Variants in CRPPA observed in about 807,000 individuals in gnomAD.
The protein encoded by CRPPA is CDP-L-ribitol pyrophosphorylase A.
In CRPPA, 43 loss-of-function variants were observed where a neutral mutation model predicts 52.0. That is an observed-to-expected ratio of 0.83 (90% CI 0.65 to 1.07). The LOEUF (loss-of-function observed/expected upper bound fraction) is 1.07, where lower values mean the gene tolerates loss of function less well. Ranked by LOEUF, CRPPA falls within the 50% of genes least tolerant of loss-of-function variation. The pLI, the probability that CRPPA is intolerant of heterozygous loss-of-function variation, is 0.00. For missense variants in CRPPA, 629 were observed against 551.7 expected (o/e 1.14, Z -1.40); for synonymous variants, 250 against 203.5 (o/e 1.23, Z -1.94).
chr7:16,219,692 G>A (rs1258915937), intron 8 of CRPPA, among the ~76,000 whole-genome samples: 5 of 115,648 alleles, frequency 4.3e-5, no homozygotes, highest in Non-Finnish European at 9.5e-5. Flanking sequence ...AGAAAATCTA[G>A]AAGAAATGGA....
At chr7:16,180,045 ATAAG>A (rs1781379619) in intron 9 of CRPPA, among the ~76,000 whole-genome samples, 1 of 151,908 alleles carries the variant, frequency 6.6e-6, no homozygotes, top group Non-Finnish European at 1.5e-5. Flanking sequence ...TTAGAACTCT[ATAAG>A]TCACGGAGAT....
chr7:16,210,719 T>C (rs532706269), intron 9 of CRPPA: 22 of 152,294 alleles, frequency 1.4e-4, no homozygotes, highest in Admixed American at 8.5e-4. Context: ...TTGGGTTATA[T>C]AGTAATAGCT....
At chr7:16,237,192 A>G (rs1490299049) in intron 8 of CRPPA, 2 of 152,104 alleles carry the variant, frequency 1.3e-5, no homozygotes, top group Admixed American at 1.3e-4. Context: ...AATCTCTTAA[A>G]TGTATCTTGA....
intron 2 of CRPPA, among the ~76,000 whole-genome samples, chr7:16,402,420 G>A (rs1787841526): frequency 6.6e-6 from 1 of 152,170 alleles, no homozygotes; most frequent in Non-Finnish European, 1.5e-5. Context: ...AAATCCTGAT[G>A]ATAAAGTCTT....
intron 8 of CRPPA, among the ~76,000 whole-genome samples, chr7:16,226,137 T>C (rs1782645671): frequency 6.6e-6 from 1 of 151,964 alleles, no homozygotes; most frequent in Admixed American, 6.6e-5. Flanking sequence ...AACAATGTTT[T>C]GGCAAAATAA....
At chr7:16,115,392 G>A (rs550821918) in intron 9 of CRPPA, among the ~76,000 whole-genome samples, 2 of 152,216 alleles carry the variant, frequency 1.3e-5, no homozygotes, top group East Asian at 1.9e-4. Context: ...CTGAAAAATC[G>A]AGATATCAAC....
chr7:16,389,221 A>G (rs928834001), intron 2 of CRPPA, among the ~76,000 whole-genome samples: 4 of 152,218 alleles, frequency 2.6e-5, no homozygotes, highest in South Asian at 2.1e-4. Context: ...TTGTCCAAAA[A>G]ATAGAGAATG....
At chr7:16,239,458 A>G (rs1482835937) in intron 8 of CRPPA, among the ~76,000 whole-genome samples, 2 of 150,374 alleles carry the variant, frequency 1.3e-5, no homozygotes, top group Admixed American at 1.3e-4. Context: ...ACTTTAATAA[A>G]TGATATTGAA....
chr7:16,344,656 A>G (rs540397318), intron 3 of CRPPA, among the ~76,000 whole-genome samples: 1 of 152,228 alleles, frequency 6.6e-6, no homozygotes, highest in South Asian at 2.1e-4. Flanking sequence ...TGTTAATAAA[A>G]AGGTATAAAT....
chr7:16,093,500 A>G (rs890700881), intron 9 of CRPPA, among the ~76,000 whole-genome samples: 2 of 152,170 alleles, frequency 1.3e-5, no homozygotes, highest in Non-Finnish European at 2.9e-5. Context: ...GCTCTTTTCT[A>G]TCAATTTCCT....
At chr7:16,400,200 C>T (rs1175417602) in intron 2 of CRPPA, among the ~76,000 whole-genome samples, 4 of 152,094 alleles carry the variant, frequency 2.6e-5, no homozygotes, top group Non-Finnish European at 5.9e-5. Flanking sequence ...ACGATTGAAA[C>T]ATGGTTGGCA....
chr7:16,116,689 A>AAGGGAAGGGAAAGGAAAGGGT (rs1782381954), intron 9 of CRPPA, among the ~76,000 whole-genome samples: 57 of 150,556 alleles, frequency 3.8e-4, no homozygotes, highest in Admixed American at 3.7e-3. Flanking sequence ...AAGGAAAGGG[A>AAGGGAAGGGAAAGGAAAGGGT]AGGGAAAGGG....
chr7:16,164,518 A>C (rs888309596), intron 9 of CRPPA, among the ~76,000 whole-genome samples: 2 of 152,180 alleles, frequency 1.3e-5, no homozygotes, highest in African/African-American at 2.4e-5. Context: ...TCAGTTCATC[A>C]AACTCATTCT....
intron 4 of CRPPA, among the ~76,000 whole-genome samples, chr7:16,305,487 T>C (rs959316131): frequency 6.6e-6 from 1 of 152,172 alleles, no homozygotes; most frequent in Non-Finnish European, 1.5e-5. Flanking sequence ...ATGATGCTGA[T>C]TTCTAGTGGG....
At chr7:16,381,744 A>G (rs930292467) in intron 2 of CRPPA, among the ~76,000 whole-genome samples, 2 of 151,870 alleles carry the variant, frequency 1.3e-5, no homozygotes, top group Non-Finnish European at 2.9e-5. Context: ...ACCATTATGT[A>G]ATGGCCTTCT....
intron 8 of CRPPA, among the ~76,000 whole-genome samples, chr7:16,235,193 T>C (rs1279345009): frequency 6.6e-6 from 1 of 152,022 alleles, no homozygotes; most frequent in Non-Finnish European, 1.5e-5. Context: ...AGAGAGAAGT[T>C]GAGATGAATA....
intron 2 of CRPPA, among the ~76,000 whole-genome samples, chr7:16,395,090 T>C (rs991180324): frequency 1.2e-4 from 18 of 152,126 alleles, no homozygotes; most frequent in African/African-American, 4.1e-4. Context: ...GAGAAGCTTG[T>C]TGTAGGAGGC....
intron 1 of CRPPA, 36 bp downstream of exon 1, chr7:16,421,030 C>A: frequency 1.6e-6 from 2 of 1,264,700 alleles, no homozygotes; most frequent in East Asian, 3.1e-5. Context: ...AGGCCGGGCC[C>A]CAGGGAACCG....
intron 1 of CRPPA, among the ~76,000 whole-genome samples, chr7:16,416,562 T>C (rs1921842): frequency 0.92 from 140,417 of 152,168 alleles, 64,897 homozygotes; most frequent in East Asian, 1. Flanking sequence ...CAGCCAGGTG[T>C]GGTCACTCAC....
Sources: gnomAD v4.1 joint callset for allele counts (sites outside exome capture counted in the v4.1 genomes callset) on GRCh38, gnomAD v4.1.1 for gene constraint, MANE v1.5 for transcripts, NCBI Gene and HGNC (gene_info 2026-07-23, HGNC 2026-07-21) for gene names.